The following MSRA variants were observed in gnomAD, a reference collection of about 807,000 sequenced individuals.
MSRA encodes the protein mitochondrial peptide methionine sulfoxide reductase.
MSRA carries 54 observed loss-of-function variants against 31.3 expected under a neutral mutation model. The observed-to-expected ratio is 1.73, with a 90% CI of 1.39 to 2.17. MSRA has a LOEUF of 2.17. Among genes scored for constraint, MSRA ranks in the 30% most tolerant of loss-of-function variants. The pLI is 0.00. For missense variants in MSRA, 507 were observed against 300.9 expected (o/e 1.69, Z -5.07); for synonymous variants, 169 against 116.5 (o/e 1.45, Z -2.90).
At chr8:10,069,355 A>G (rs1313037779) in intron 1 of MSRA, among the ~76,000 whole-genome samples, 1 of 152,210 alleles carries the variant, frequency 6.6e-6, no homozygotes, top group Non-Finnish European at 1.5e-5. Flanking sequence ...GTGGGAAAGC[A>G]TCTAGTTTCT....
At chr8:10,394,219 G>A (rs1258182606) in intron 5 of MSRA, among the ~76,000 whole-genome samples, 3 of 152,090 alleles carry the variant, frequency 2.0e-5, no homozygotes, top group East Asian at 1.9e-4. Context: ...TTTTATTGTA[G>A]CGAAACCAAA....
intron 5 of MSRA, among the ~76,000 whole-genome samples, chr8:10,371,185 AC>A (rs1805453887): frequency 6.6e-6 from 1 of 152,296 alleles, no homozygotes; most frequent in South Asian, 2.1e-4. Context: ...TTATTTTGGA[AC>A]AAGATCGAGA....
intron 2 of MSRA, among the ~76,000 whole-genome samples, chr8:10,215,367 C>T (rs1284202043): frequency 6.6e-6 from 1 of 152,198 alleles, no homozygotes; most frequent in African/African-American, 2.4e-5. Flanking sequence ...CTGTTTGCCA[C>T]CTAGGACTGT....
chr8:10,071,881 A>T (rs1441319049), intron 1 of MSRA, among the ~76,000 whole-genome samples: 1 of 152,168 alleles, frequency 6.6e-6, no homozygotes, highest in East Asian at 1.9e-4. Flanking sequence ...GGAAAACACA[A>T]CACAGTCAGG....
chr8:10,334,212 G>C (rs1047457775), intron 5 of MSRA, among the ~76,000 whole-genome samples: 1 of 146,592 alleles, frequency 6.8e-6, no homozygotes. Context: ...GTGTGTGTGT[G>C]TGTCTGGGTA....
At chr8:10,334,234 A>G (rs1322947155) in intron 5 of MSRA, among the ~76,000 whole-genome samples, 1 of 151,990 alleles carries the variant, frequency 6.6e-6, no homozygotes, top group African/African-American at 2.4e-5. Context: ...ATATACACAC[A>G]CATTTATATT....
intron 3 of MSRA, among the ~76,000 whole-genome samples, chr8:10,267,017 T>C (rs894410861): frequency 1.3e-5 from 2 of 152,206 alleles, no homozygotes; most frequent in Non-Finnish European, 2.9e-5. Context: ...ATATTCTTGA[T>C]TATAGTTTGT....
chr8:10,425,533 G>T (rs867809852), intron 5 of MSRA, among the ~76,000 whole-genome samples: 52 of 152,360 alleles, frequency 3.4e-4, no homozygotes, highest in African/African-American at 1.2e-3. Flanking sequence ...TCTGGAGACC[G>T]CAGCTGTGCC....
chr8:10,080,788 C>T (rs1303413785), intron 1 of MSRA, among the ~76,000 whole-genome samples: 7 of 151,784 alleles, frequency 4.6e-5, no homozygotes, highest in Admixed American at 4.6e-4. Flanking sequence ...ATCCTCCTGC[C>T]TCGGCCTCCC....
chr8:10,392,265 A>T (rs1388050698), intron 5 of MSRA, among the ~76,000 whole-genome samples: 1 of 152,224 alleles, frequency 6.6e-6, no homozygotes, highest in Non-Finnish European at 1.5e-5. Context: ...AAGAACTTAA[A>T]TGCCAGGGCT....
chr8:10,128,729 C>T (rs973342640), intron 1 of MSRA, among the ~76,000 whole-genome samples: 5 of 152,168 alleles, frequency 3.3e-5, no homozygotes, highest in African/African-American at 4.8e-5. Context: ...TTAGAGAGCA[C>T]GGAAGAGTTG....
At chr8:10,278,551 A>G (rs116295967) in intron 3 of MSRA, among the ~76,000 whole-genome samples, 125 of 152,350 alleles carry the variant, frequency 8.2e-4, no homozygotes, top group African/African-American at 2.8e-3. Context: ...CGGAGAGCAC[A>G]TGGAGTGGGC....
chr8:10,344,523 G>A (rs11778901), intron 5 of MSRA, among the ~76,000 whole-genome samples: 27,784 of 130,622 alleles, frequency 0.21, 3,484 homozygotes, highest in Middle Eastern at 0.29. Context: ...GCATCAATCC[G>A]AGATTGCGCC....
chr8:10,428,132 T>G lies in MSRA; in HGVS notation c.544-16T>G, dbSNP rs758108301. On this transcript the variant is annotated splice_polypyrimidine_tract_variant and intron_variant, in intron 5 of 5. Coordinates refer to ENST00000317173, the MANE Select transcript of MSRA (RefSeq NM_012331.5). The stretch of plus-strand genomic sequence containing the variant: ...TCTAGCATGGGAGCTGATGGCGCCT[T>G]TCTGTGTCCCCACAGGTTCTTTCAG... 52 of 1,606,518 alleles carry G rather than the reference T, an allele frequency of 3.2e-5. No homozygotes were observed. Among genetic ancestry groups the G allele is most frequent in the Non-Finnish European group, 4.2e-5 (50 of 1,177,594 alleles).
rs566904488 is a variant in MSRA, at chr8:10,355,530, A to G, written c.543+35541A>G. On this transcript the variant is annotated intron_variant, in intron 5 of 5. Coordinates refer to ENST00000317173, the MANE Select transcript of MSRA (RefSeq NM_012331.5). Reference sequence around the variant, plus strand: ...CTTGGGTGGCATGCTGTGTCAAAGGAAAAGAACTGCAGTGAGGTTGGAGGA... The same window carrying G: ...CTTGGGTGGCATGCTGTGTCAAAGGGAAAGAACTGCAGTGAGGTTGGAGGA... Among the ~76,000 whole-genome samples, 11 of 152,306 alleles carry G rather than the reference A, an allele frequency of 7.2e-5. No individual in the cohort carries two copies. In the East Asian group the frequency reaches 1.9e-3, roughly 27 times the overall value.
At chr8:10,189,963 C>G (rs1039950063) in intron 1 of MSRA, among the ~76,000 whole-genome samples, 3 of 152,036 alleles carry the variant, frequency 2.0e-5, no homozygotes, top group Non-Finnish European at 4.4e-5. Context: ...TTTTCTATTT[C>G]AGATTTTCTA....
At chr8:10,085,699 T>C (rs1014028201) in intron 1 of MSRA, among the ~76,000 whole-genome samples, 2 of 152,254 alleles carry the variant, frequency 1.3e-5, no homozygotes, top group African/African-American at 4.8e-5. Context: ...TGTCCAGTTT[T>C]AGAACACTGT....
intron 1 of MSRA, among the ~76,000 whole-genome samples, chr8:10,090,783 C>T (rs1798814455): frequency 6.6e-6 from 1 of 152,234 alleles, no homozygotes; most frequent in Non-Finnish European, 1.5e-5. Flanking sequence ...TAGAATCATA[C>T]AATATGCGGA....
At chr8:10,364,776 G>A (rs1805061112) in intron 5 of MSRA, among the ~76,000 whole-genome samples, 2 of 152,192 alleles carry the variant, frequency 1.3e-5, no homozygotes, top group South Asian at 4.1e-4. Flanking sequence ...TCTTGGGCCT[G>A]TAATCCAAAT....
Sources: gnomAD v4.1 joint callset for allele counts (sites outside exome capture counted in the v4.1 genomes callset) on GRCh38, gnomAD v4.1.1 for gene constraint, MANE v1.5 for transcripts, NCBI Gene and HGNC (gene_info 2026-07-23, HGNC 2026-07-21) for gene names.